Variants in PUDP observed in about 807,000 individuals in gnomAD.
PUDP encodes pseudouridine-5'-phosphatase.
PUDP carries 8 observed loss-of-function variants against 9.4 expected under a neutral mutation model. That is an observed-to-expected ratio of 0.85 (90% CI 0.50 to 1.53). The LOEUF (loss-of-function observed/expected upper bound fraction) is 1.53, where lower values mean the gene tolerates loss of function less well. Ranked by LOEUF, PUDP falls within the 40% of genes most tolerant of loss-of-function variation. The pLI, the probability that PUDP is intolerant of heterozygous loss-of-function variation, is 0.00. For missense variants in PUDP, 188 were observed against 189.7 expected (o/e 0.99, Z 0.05); for synonymous variants, 99 against 80.7 (o/e 1.23, Z -1.22).
intron 3 of PUDP, among the ~76,000 whole-genome samples, chrX:6,857,731 C>G (rs931843912): frequency 8.9e-6 from 1 of 112,037 alleles, no homozygotes; most frequent in African/African-American, 3.2e-5. Flanking sequence ...ACCCTCTGTG[C>G]CAGCAAATGG....
chrX:6,927,187 G>A (rs1928118691), intron 3 of PUDP, among the ~76,000 whole-genome samples: 1 of 109,924 alleles, frequency 9.1e-6, no homozygotes, highest in Non-Finnish European at 1.9e-5. Flanking sequence ...TCCCACCTTG[G>A]CCTCCCAAAG....
intron 3 of PUDP, among the ~76,000 whole-genome samples, chrX:6,870,636 T>G (rs1269124462): frequency 1.8e-5 from 2 of 112,403 alleles, no homozygotes; most frequent in African/African-American, 6.5e-5. Context: ...ACTAATACAA[T>G]TGAACACTTA....
intron 3 of PUDP, among the ~76,000 whole-genome samples, chrX:6,742,751 A>G (rs765744981): frequency 1.8e-5 from 2 of 111,777 alleles, no homozygotes; most frequent in Non-Finnish European, 3.8e-5. Context: ...CTCCAGCCTG[A>G]GCGATAGAGC....
At chrX:6,793,673 G>C (rs983032240) in intron 3 of PUDP, among the ~76,000 whole-genome samples, 1 of 111,390 alleles carries the variant, frequency 9.0e-6, no homozygotes, top group Non-Finnish European at 1.9e-5. Context: ...ACCATCTACA[G>C]TAGAGGCAGC....
intron 3 of PUDP, among the ~76,000 whole-genome samples, chrX:6,884,753 G>A (rs1927398008): frequency 8.9e-6 from 1 of 112,386 alleles, no homozygotes; most frequent in South Asian, 3.7e-4. Context: ...TTTCAACAAG[G>A]AAGTCACATG....
At chrX:7,108,487 C>T (rs1931949373) in intron 1 of PUDP, among the ~76,000 whole-genome samples, 1 of 111,010 alleles carries the variant, frequency 9.0e-6, no homozygotes, top group South Asian at 3.9e-4. Context: ...CTTCCTCCCC[C>T]TGTGCACTGA....
intron 3 of PUDP, among the ~76,000 whole-genome samples, chrX:6,912,719 A>G (rs1196833420): frequency 2.7e-5 from 3 of 112,243 alleles, no homozygotes; most frequent in African/African-American, 9.7e-5. Context: ...CCTAAAGGAA[A>G]AGCGAACTAT....
chrX:6,860,488 T>TTTA (rs1926982987), intron 3 of PUDP, among the ~76,000 whole-genome samples: 1 of 107,366 alleles, frequency 9.3e-6, no homozygotes, highest in East Asian at 3.0e-4. Context: ...TTTTGTTTTT[T>TTTA]GAGACAGAGT....
chrX:6,805,349 A>G (rs1333745258), intron 3 of PUDP, among the ~76,000 whole-genome samples: 2 of 110,828 alleles, frequency 1.8e-5, no homozygotes, highest in Non-Finnish European at 3.8e-5. Flanking sequence ...AGAAGTTCCT[A>G]AAGAAGAAGA....
chrX:6,991,270 T>G (rs1929172655), intron 1 of PUDP, among the ~76,000 whole-genome samples: 1 of 111,748 alleles, frequency 8.9e-6, no homozygotes, highest in Non-Finnish European at 1.9e-5. Flanking sequence ...TTTTAAGATT[T>G]TTTTTTCTTG....
intron 3 of PUDP, among the ~76,000 whole-genome samples, chrX:6,932,213 C>G (rs1602678044): frequency 9.0e-6 from 1 of 111,214 alleles, no homozygotes; most frequent in Non-Finnish European, 1.9e-5. Context: ...AGGCAGATGA[C>G]TTGATATGGA....
At chrX:6,767,383 G>T (rs1402929596) in intron 3 of PUDP, among the ~76,000 whole-genome samples, 6 of 112,639 alleles carry the variant, frequency 5.3e-5, no homozygotes, top group Non-Finnish European at 7.5e-5. Flanking sequence ...ATGAGGCCCT[G>T]CAATGTCCTG....
At chrX:6,773,239 A>G (rs1342684239) in intron 3 of PUDP, among the ~76,000 whole-genome samples, 1 of 111,996 alleles carries the variant, frequency 8.9e-6, no homozygotes, top group Non-Finnish European at 1.9e-5. Context: ...TTGGTCTACA[A>G]TGAAAAAGAG....
At chrX:6,780,225 ATGTG>A (rs755024359) in intron 3 of PUDP, among the ~76,000 whole-genome samples, 2 of 109,490 alleles carry the variant, frequency 1.8e-5, no homozygotes, top group African/African-American at 3.3e-5. Flanking sequence ...ATCTATGAAT[ATGTG>A]TGTGTGTATG....
At chrX:7,084,281 C>T (rs1489088039) in intron 2 of PUDP, among the ~76,000 whole-genome samples, 1 of 112,354 alleles carries the variant, frequency 8.9e-6, no homozygotes, top group Non-Finnish European at 1.9e-5. Context: ...GAGTCACAAC[C>T]TCTGCACTCC....
chrX:7,003,313 C>G (rs956688973), intron 1 of PUDP, among the ~76,000 whole-genome samples: 5 of 110,896 alleles, frequency 4.5e-5, no homozygotes, highest in African/African-American at 1.3e-4. Context: ...TTATGGTGGG[C>G]AGTAGAGTGA....
At chrX:6,817,973 C>T (rs751646031) in intron 3 of PUDP, among the ~76,000 whole-genome samples, 3 of 112,181 alleles carry the variant, frequency 2.7e-5, no homozygotes, top group Non-Finnish European at 3.8e-5. Context: ...CAAGCAGCAA[C>T]TTAGATAAGC....
At chrX:6,723,452 A>AAAAG (rs1386349686), upstream of PUDP, among the ~76,000 whole-genome samples, 1 of 105,925 alleles carries the variant, frequency 9.4e-6, no homozygotes. Flanking sequence ...AAAAAAAAAA[A>AAAAG]AAAAAAAGAG....
At chrX:6,733,822 G>T (rs1189208793) in intron 3 of PUDP, among the ~76,000 whole-genome samples, 1 of 84,807 alleles carries the variant, frequency 1.2e-5, no homozygotes, top group African/African-American at 4.4e-5. Context: ...CTGTTGCCCA[G>T]GCTGGAGTGC....
Sources: allele counts gnomAD v4.1 joint callset (sites outside exome capture counted in the v4.1 genomes callset), GRCh38; gene constraint gnomAD v4.1.1; transcripts MANE v1.5; gene names NCBI Gene and HGNC (gene_info 2026-07-23, HGNC 2026-07-21).